The following FXYD7 variants were observed in gnomAD, a reference collection of about 807,000 sequenced individuals.
The protein encoded by FXYD7 is FXYD domain containing ion transport regulator 7.
In FXYD7, 7 loss-of-function variants were observed where a neutral mutation model predicts 15.3. The observed-to-expected ratio is 0.46, with a 90% confidence interval of 0.26 to 0.86. The LOEUF (loss-of-function observed/expected upper bound fraction) is 0.86, where lower values mean the gene tolerates loss of function less well. FXYD7 is among the 40% of genes least tolerant of loss of function. The probability of loss-of-function intolerance (pLI) is 0.16; values close to 1 mark genes in which losing one functional copy is unlikely to be tolerated. For missense variants in FXYD7, 78 were observed against 100.6 expected (o/e 0.78, Z 0.96); for synonymous variants, 39 against 39.3 (o/e 0.99, Z 0.03).
rs540302377 is a variant in FXYD7, at chr19:35,152,179, G to A, written c.220+506G>A. Reference sequence around the variant, plus strand: ...AAGAGGAAGGAAGAAATGAAGGAAGGAAGGGAGGGAGGGAGGGAAAAGAAA... The same window carrying A: ...AAGAGGAAGGAAGAAATGAAGGAAGAAAGGGAGGGAGGGAGGGAAAAGAAA... On this transcript the variant is annotated intron_variant, in intron 5 of 5. Transcript: ENST00000270310. Among the ~76,000 whole-genome samples the A allele has an allele frequency of 9.6e-4, 130 of 135,504 alleles. 1 individual carries two copies. The Middle Eastern group carries it at 0.015, about 16-fold the overall frequency. 88.9% of individuals were successfully genotyped at this position (135,504 alleles called of 152,430 possible). A position where few individuals can be genotyped will look rare whatever the true frequency, so the allele number is the denominator to read the frequency against.
Position 35,143,305 on chromosome 19 carries a change from C to T in FXYD7, c.-29C>T, listed in dbSNP as rs2065275607. On this transcript the variant is annotated 5_prime_UTR_variant, in exon 1 of 6. Transcript: ENST00000270310. The surrounding 1 kb of genome is among the most constrained non-coding windows in gnomAD (Gnocchi z 4.3). ...CTGCAGCGCGCCTTCGCCGCCAAAG[C>T]ATCCAGCAGCCCCCTGCTCCGGCCC... 1.3e-6 allele frequency: 2 copies of T among 1,536,898 alleles called. No homozygotes were observed. The highest frequency in any genetic ancestry group is 1.8e-6 in the Non-Finnish European group (2 of 1,140,780).
At chr19:35,146,169 G>A (rs1207511639) in intron 1 of FXYD7, among the ~76,000 whole-genome samples, 4 of 149,628 alleles carry the variant, frequency 2.7e-5, no homozygotes, top group East Asian at 4.0e-4. Flanking sequence ...ACAGAGTCTC[G>A]CTCTGTCATC....
intron 2 of FXYD7, among the ~76,000 whole-genome samples, chr19:35,149,969 T>C (rs904216593): frequency 3.3e-5 from 5 of 151,966 alleles, no homozygotes; most frequent in Non-Finnish European, 7.4e-5. Flanking sequence ...CAGGCTGGAG[T>C]GCAGTAGCAC....
At chr19:35,153,032 C>CGTTTTTTTTTTTTTTTTTTTTTT (rs1568407782) in intron 5 of FXYD7, among the ~76,000 whole-genome samples, 2 of 59,478 alleles carry the variant, frequency 3.4e-5, no homozygotes, top group Non-Finnish European at 6.4e-5. Context: ...GTTTCACGTT[C>CGTTTTTTTTTTTTTTTTTTTTTT]CTTTTTTTTT....
chr19:35,146,023 C>T (rs1015308464), intron 1 of FXYD7, among the ~76,000 whole-genome samples: 2 of 152,224 alleles, frequency 1.3e-5, no homozygotes, highest in African/African-American at 4.8e-5. Context: ...GCAATTCACC[C>T]ACTTTGGCTT....
At chr19:35,153,522 G>A (rs1220707001) in intron 5 of FXYD7, among the ~76,000 whole-genome samples, 1 of 152,180 alleles carries the variant, frequency 6.6e-6, no homozygotes, top group African/African-American at 2.4e-5. Flanking sequence ...TGGGGAATGG[G>A]GGACTTCCCG....
intron 2 of FXYD7, chr19:35,149,159 C>G (rs772629661): frequency 4.9e-6 from 2 of 404,886 alleles, no homozygotes; most frequent in Middle Eastern, 1.0e-3. Flanking sequence ...GGGAAAGATA[C>G]CTGACTGGTG....
In FXYD7 at chr19:35,148,026, GGAAAGAAAGAAAGAAAGAAAGAAAGAAA is replaced by G. The variant is rs59209064; in HGVS notation, c.32-625_32-598del. On this transcript the variant is annotated intron_variant, in intron 1 of 5. Transcript: ENST00000270310. ...AAAGAAGGAAAGAAAGAAGAAAGAA[GGAAAGAAAGAAAGAAAGAAAGAAAGAAA>G]GAAAGAAAGAAAGAAAGAAAGAAAG... Among the ~76,000 whole-genome samples, 699 of 88,540 alleles carry G rather than the reference GGAAAGAAAGAAAGAAAGAAAGAAAGAAA, an allele frequency of 7.9e-3. 9 individuals carry two copies. The highest frequency in any genetic ancestry group is 0.025 in the African/African-American group (530 of 20,982). The allele number at this position is 88,540 out of a possible 152,430, so 58.1% of individuals were successfully genotyped here.
chr19:35,152,641 A>T (rs1360875587), intron 5 of FXYD7, among the ~76,000 whole-genome samples: 1 of 151,048 alleles, frequency 6.6e-6, no homozygotes, highest in Non-Finnish European at 1.5e-5. Flanking sequence ...GAGAGTGGAG[A>T]GGACGGAGGT....
At chr19:35,144,410 T>C (rs1252422554) in intron 1 of FXYD7, among the ~76,000 whole-genome samples, 1 of 152,136 alleles carries the variant, frequency 6.6e-6, no homozygotes, top group Non-Finnish European at 1.5e-5. Context: ...CGCCCCCTAA[T>C]AGCCCCCACT....
At chr19:35,151,708 T>C (rs745627309) in intron 5 of FXYD7, 35 bp downstream of exon 5, 9 of 1,556,632 alleles carry the variant, frequency 5.8e-6, no homozygotes, top group Non-Finnish European at 5.3e-6. Flanking sequence ...CTGGGAGAGT[T>C]TTAGGTGGGG....
rs2065283558 is a variant in FXYD7 at position 35,144,851 on chromosome 19, C to G, written c.31+1487C>G. 2.6e-5 allele frequency among the ~76,000 whole-genome samples: 4 copies of G among 152,248 alleles called. No homozygotes were observed. In the South Asian group the frequency reaches 8.3e-4, roughly 32 times the overall value. On this transcript the variant is annotated intron_variant, in intron 1 of 5. Coordinates refer to ENST00000270310, the MANE Select transcript of FXYD7 (RefSeq NM_022006.2). ...TCCCAGTCACAGCATGACAGGGGAC[C>G]GCAGGTCTCGGGAAACCCCGGGGGA...
chr19:35,143,363 G>A lies in FXYD7; in HGVS notation c.30G>A (p.Lys10=). 2 of 1,517,276 alleles carry A rather than the reference G, an allele frequency of 1.3e-6. No homozygotes were observed. Among genetic ancestry groups the A allele is most frequent in the Non-Finnish European group, 1.8e-6 (2 of 1,134,612 alleles). 94.0% of individuals were successfully genotyped at this position (1,517,276 alleles called of 1,614,324 possible). MATPTQTPT[K]APEEPDPFYY... Reference sequence around the variant, plus strand: ...CGACCCCGACCCAGACCCCCACAAAGGGTGAGCGTCGTTTGGGGAGGGGGT... The same window carrying A: ...CGACCCCGACCCAGACCCCCACAAAAGGTGAGCGTCGTTTGGGGAGGGGGT... Residue 10 remains lysine, a splice_region_variant and synonymous_variant, in exon 1 of 6, where the codon AAG becomes AAA. Transcript: ENST00000270310. The surrounding 1 kb of genome is among the most constrained non-coding windows in gnomAD (Gnocchi z 4.3).
In FXYD7 at chr19:35,143,495, C is replaced by CTTCCGCCCACA; in HGVS notation, c.31+131_31+132insTTCCGCCCACA. 3 of 710,268 alleles carry CTTCCGCCCACA rather than the reference C, an allele frequency of 4.2e-6. No individual in the cohort carries two copies. The highest frequency in any genetic ancestry group is 6.4e-6 in the Non-Finnish European group (3 of 467,026). The allele number at this position is 710,268 out of a possible 1,614,324, so 44.0% of individuals were successfully genotyped here. A position where few individuals can be genotyped will look rare whatever the true frequency, so the allele number is the denominator to read the frequency against. On this transcript the variant is annotated intron_variant, in intron 1 of 5. Coordinates refer to ENST00000270310, the MANE Select transcript of FXYD7 (RefSeq NM_022006.2). This position sits in a 1 kb window ranked among gnomAD's most constrained non-coding sequence, Gnocchi z 4.3. ...GAGGGAGGTCCGCTCCTCCTGTGGG[C>CTTCCGCCCACA]GGAAGCCCCTGTAATGCGCCCCCCC...
intron 2 of FXYD7, 46 bp from the exon 3 acceptor site, chr19:35,151,208 G>A (rs1272751819): frequency 4.7e-6 from 6 of 1,275,370 alleles, no homozygotes; most frequent in Non-Finnish European, 6.9e-6. Flanking sequence ...TCCAGGTGCA[G>A]CCAAGGTGCT....
At chr19:35,147,427 C>T (rs140790649) in intron 1 of FXYD7, among the ~76,000 whole-genome samples, 2 of 152,286 alleles carry the variant, frequency 1.3e-5, no homozygotes, top group East Asian at 1.9e-4. Context: ...CGAGAACCAT[C>T]AGGATGAACT....
rs781071858 is a variant in FXYD7 at position 35,153,881 on chromosome 19, C to A, written c.221-13C>A. On this transcript the variant is annotated splice_polypyrimidine_tract_variant and intron_variant, in intron 5 of 5. Transcript: ENST00000270310. ...CACCTTTCTAGTGGCTCACGCACCC[C>A]CTCTCTCCCCAGCCCCTGGTGGCGG... is the stretch of plus-strand genomic sequence containing the variant. The A allele has an allele frequency of 6.2e-7, 1 of 1,612,726 alleles. No homozygotes were observed. The highest frequency in any genetic ancestry group is 1.7e-5 in the Admixed American group (1 of 59,972).
chr19:35,148,045 AAGAAAGAAAG>A (rs2065295491), intron 1 of FXYD7, among the ~76,000 whole-genome samples: 1 of 113,482 alleles, frequency 8.8e-6, no homozygotes, highest in East Asian at 2.3e-4. Context: ...GAAAGAAAGA[AAGAAAGAAAG>A]AAAGAAAGAA....
Position 35,154,036 on chromosome 19 carries a change from C to A in FXYD7, c.*120C>A. 1 of 889,314 alleles carries A rather than the reference C, an allele frequency of 1.1e-6. No homozygotes were observed. Among genetic ancestry groups the A allele is most frequent in the African/African-American group, 1.6e-5 (1 of 60,620 alleles). The allele number at this position is 889,314 out of a possible 1,614,324, so 55.1% of individuals were successfully genotyped here. ...CGCTCCCCGGAATGAGCCGCCCCAC[C>A]CACCCCAAGGCTGGAGCCGCTGCAC... On this transcript the variant is annotated 3_prime_UTR_variant, in exon 6 of 6. Coordinates refer to ENST00000270310, the MANE Select transcript of FXYD7 (RefSeq NM_022006.2).
Sources: allele counts gnomAD v4.1 joint callset (sites outside exome capture counted in the v4.1 genomes callset), GRCh38; gene constraint gnomAD v4.1.1; non-coding constraint Gnocchi (gnomAD v3.1); transcripts MANE v1.5; gene names NCBI Gene and HGNC (gene_info 2026-07-23, HGNC 2026-07-21).